The following USH2A variants were observed in gnomAD, a reference collection of about 807,000 sequenced individuals.
USH2A encodes usherin.
A neutral mutation model predicts 538.9 loss-of-function variants in USH2A; 443 were observed. The ratio of observed to expected loss-of-function variants is 0.82; its 90% CI spans 0.76 to 0.89. USH2A has a LOEUF of 0.89. USH2A is among the 40% of genes least tolerant of loss of function. The pLI, the probability that USH2A is intolerant of heterozygous loss-of-function variation, is 0.00. For missense variants in USH2A, 6,633 were observed against 6,324.8 expected (o/e 1.05, Z -1.65); for synonymous variants, 2,413 against 2,273.5 (o/e 1.06, Z -1.75).
rs545444820 is a variant in USH2A at position 216,223,415 on chromosome 1, C to A, written c.2994-5865G>T. On this transcript the variant is annotated intron_variant, in intron 14 of 71. Coordinates refer to ENST00000307340, the MANE Select transcript of USH2A (RefSeq NM_206933.4). ...AAATCACAACTCTTCACCTTTCCCT[C>A]TGTGCAGGTCCTTTGCAGCTAACTG... 3.3e-5 allele frequency among the ~76,000 whole-genome samples: 5 copies of A among 152,290 alleles called. No homozygotes were observed. The East Asian group carries it at 9.7e-4, about 29-fold the overall frequency.
At chr1:216,102,288 G>C (rs1200700104) in intron 21 of USH2A, among the ~76,000 whole-genome samples, 1 of 151,112 alleles carries the variant, frequency 6.6e-6, no homozygotes, top group African/African-American at 2.4e-5. Flanking sequence ...AAATGAAAAG[G>C]AAACACAAAG....
chr1:215,797,244 T>G (rs1662168430), intron 50 of USH2A, among the ~76,000 whole-genome samples: 1 of 152,170 alleles, frequency 6.6e-6, no homozygotes, highest in African/African-American at 2.4e-5. Context: ...AGTTGGTTCA[T>G]GAGGTTTAAG....
At chr1:215,987,292 A>T (rs1667893403) in intron 35 of USH2A, among the ~76,000 whole-genome samples, 1 of 152,218 alleles carries the variant, frequency 6.6e-6, no homozygotes, top group Non-Finnish European at 1.5e-5. Flanking sequence ...TACACAATAC[A>T]GGTCACAAAT....
At chr1:215,738,566 ATCT>A (rs1272225039) in intron 60 of USH2A, among the ~76,000 whole-genome samples, 2 of 152,236 alleles carry the variant, frequency 1.3e-5, no homozygotes, top group East Asian at 3.9e-4. Flanking sequence ...AGTCATAAAC[ATCT>A]TCTGTCTTTA....
At chr1:216,411,184 A>ACT (rs1476426351) in intron 3 of USH2A, among the ~76,000 whole-genome samples, 2 of 152,008 alleles carry the variant, frequency 1.3e-5, no homozygotes, top group Non-Finnish European at 2.9e-5. Flanking sequence ...TGCCAGCGAC[A>ACT]CTCTAACCAC....
At chr1:215,816,751 A>C (rs1357362061) in intron 48 of USH2A, among the ~76,000 whole-genome samples, 3 of 152,106 alleles carry the variant, frequency 2.0e-5, no homozygotes, top group Non-Finnish European at 2.9e-5. Context: ...TCAATCAAAT[A>C]AAATTTGGGA....
At chr1:216,300,992 C>T (rs903340221) in intron 9 of USH2A, among the ~76,000 whole-genome samples, 3 of 151,910 alleles carry the variant, frequency 2.0e-5, no homozygotes, top group African/African-American at 4.8e-5. Flanking sequence ...TCAAGTGATC[C>T]GCCCACCTCG....
intron 52 of USH2A, among the ~76,000 whole-genome samples, chr1:215,784,086 T>A (rs1661722727): frequency 6.6e-6 from 1 of 152,150 alleles, no homozygotes; most frequent in African/African-American, 2.4e-5. Context: ...CTGCCACTTG[T>A]TGCCTGTGAT....
rs190252791 is a variant in USH2A at position 216,076,859 on chromosome 1, G to A, written c.5572+1230C>T. Among the ~76,000 whole-genome samples the A allele has an allele frequency of 2.6e-5, 4 of 152,202 alleles. No homozygotes were observed. In the South Asian group the frequency reaches 6.2e-4, roughly 24 times the overall value. ...TCAGGGTATGTAGATTTTGAAATAC[G>A]TAAAGGACCTTTTTCACACGTGGGA... On this transcript the variant is annotated intron_variant, in intron 27 of 71. Coordinates refer to ENST00000307340, the MANE Select transcript of USH2A (RefSeq NM_206933.4).
At chr1:215,698,415 G>T (rs4400590) in intron 61 of USH2A, among the ~76,000 whole-genome samples, 27,324 of 152,102 alleles carry the variant, frequency 0.18, 2,845 homozygotes, top group East Asian at 0.41. Flanking sequence ...TTCCACAATG[G>T]TTAAACTAAT....
Position 215,728,172 on chromosome 1 carries a change from G to C in USH2A, c.11924C>G (p.Ala3975Gly). 6.2e-7 allele frequency: 1 copy of C among 1,614,188 alleles called. No homozygotes were observed. Among genetic ancestry groups the C allele is most frequent in the Non-Finnish European group, 8.5e-7 (1 of 1,180,036 alleles). ...PQDFPAPWAQ[A>G]TSAHSVLLNW... ...CAACAGAACTGAATGAGCACTCGTG[G>C]CTTGAGCCCAAGGAGCTGGAAAATC... The change falls in exon 61 of 72, where the codon GCC becomes GGC. Residue 3975 changes from alanine to glycine, a missense_variant. Transcript: ENST00000307340.
chr1:216,046,570 T>G lies in USH2A; in HGVS notation c.6186A>C (p.Pro2062=), dbSNP rs200247886. The part of the protein sequence containing the change: ...PQEAPQEVQP[P]VAKSLPSSLL... ...AAGAACTGGGAAGGGATTTGGCTAC[T>G]GGTGGCTGAACCTCTTGTGGGGCTG... Residue 2062 remains proline, a synonymous_variant, in exon 32 of 72, where the codon CCA becomes CCC. Coordinates refer to ENST00000307340, the MANE Select transcript of USH2A (RefSeq NM_206933.4). 4.2e-4 allele frequency: 679 copies of G among 1,613,886 alleles called. 12 individuals are homozygous for G. In the South Asian group the frequency reaches 6.2e-3, roughly 15 times the overall value.
intron 13 of USH2A, among the ~76,000 whole-genome samples, chr1:216,246,365 T>C (rs1253905086): frequency 1.3e-5 from 2 of 152,216 alleles, no homozygotes; most frequent in African/African-American, 4.8e-5. Context: ...TCCGATCGGC[T>C]GAGTTTTATC....
At chr1:216,113,456 T>A (rs543418742) in intron 21 of USH2A, among the ~76,000 whole-genome samples, 2 of 152,310 alleles carry the variant, frequency 1.3e-5, no homozygotes, top group East Asian at 3.9e-4. Context: ...GCATCAGGAA[T>A]AGTTTGGCCT....
intron 70 of USH2A, among the ~76,000 whole-genome samples, chr1:215,630,480 G>GTATATA (rs1443855975): frequency 3.4e-4 from 36 of 105,900 alleles, no homozygotes; most frequent in Middle Eastern, 5.6e-3. Context: ...GTATGTGTGT[G>GTATATA]TGTATATATA....
In USH2A at chr1:215,797,948, C is replaced by T. The variant is rs544780172; in HGVS notation, c.9958+959G>A. ...GTAAATTGAAAACCTGGAAAGGATT[C>T]ACCATTCTAGATGCAATTAAGAATA... On this transcript the variant is annotated intron_variant, in intron 50 of 71. Coordinates refer to ENST00000307340, the MANE Select transcript of USH2A (RefSeq NM_206933.4). Among the ~76,000 whole-genome samples, 3 of 152,228 alleles carry T rather than the reference C, an allele frequency of 2.0e-5. No homozygotes were observed. In the South Asian group the frequency reaches 6.2e-4, roughly 32 times the overall value.
chr1:215,687,656 T>G lies in USH2A; in HGVS notation c.12067-7280A>C, dbSNP rs965834316. On this transcript the variant is annotated intron_variant, in intron 61 of 71. Coordinates refer to ENST00000307340, the MANE Select transcript of USH2A (RefSeq NM_206933.4). ...AAAGTGGCAAATCAGTCACACTAAA[T>G]ATTAAAAAGCAGTACTTCTGATCTA... 4.0e-4 allele frequency among the ~76,000 whole-genome samples: 61 copies of G among 152,198 alleles called. 1 individual carries two copies. The highest frequency in any genetic ancestry group is 3.5e-4 in the Non-Finnish European group (24 of 67,992).
chr1:215,946,038 C>A (rs1401787999), intron 37 of USH2A, among the ~76,000 whole-genome samples: 1 of 152,128 alleles, frequency 6.6e-6, no homozygotes, highest in East Asian at 1.9e-4. Context: ...GCCAATACTG[C>A]CAAGTGCCAT....
At chr1:216,083,899 T>C (rs2032030469) in intron 25 of USH2A, among the ~76,000 whole-genome samples, 1 of 152,164 alleles carries the variant, frequency 6.6e-6, no homozygotes, top group Admixed American at 6.5e-5. Flanking sequence ...TTGCATTGAC[T>C]AAAAGAAACT....
Sources: gnomAD v4.1 joint callset for allele counts (sites outside exome capture counted in the v4.1 genomes callset) on GRCh38, gnomAD v4.1.1 for gene constraint, MANE v1.5 for transcripts, NCBI Gene and HGNC (gene_info 2026-07-23, HGNC 2026-07-21) for gene names.